BASP1: variants seen among roughly 807,000 people sequenced by gnomAD.
The protein encoded by BASP1 is brain abundant membrane attached signal protein 1, also known as brain acid soluble protein 1.
BASP1 carries 1 observed loss-of-function variant against 2.2 expected under a neutral mutation model. That is an observed-to-expected ratio of 0.46 (90% confidence interval 0.16 to 2.17). BASP1 has a LOEUF of 2.17. Ranked by LOEUF, BASP1 falls within the 30% of genes most tolerant of loss-of-function variation. The pLI, the probability that BASP1 is intolerant of heterozygous loss-of-function variation, is 0.27. For missense variants in BASP1, 352 were observed against 327.2 expected (o/e 1.08, Z -0.58); for synonymous variants, 187 against 154.2 (o/e 1.21, Z -1.58).
chr5:17,230,899 C>T (rs939038129), intron 1 of BASP1, among the ~76,000 whole-genome samples: 7 of 152,104 alleles, frequency 4.6e-5, no homozygotes, highest in Admixed American at 1.3e-4. Context: ...GACTTTTAGG[C>T]GTACCCTGTC....
rs185649022 is a variant in BASP1, at chr5:17,268,741, T to C, written c.-9-6467T>C. Among the ~76,000 whole-genome samples the C allele has an allele frequency of 1.5e-3, 231 of 152,228 alleles. 1 individual carries two copies. The highest frequency in any genetic ancestry group is 5.3e-3 in the African/African-American group (221 of 41,534). On this transcript the variant is annotated intron_variant, in intron 1 of 1. Coordinates refer to ENST00000322611, the MANE Select transcript of BASP1 (RefSeq NM_006317.5). ...AGAGGAGATTGTCTCTATTACAGAG[T>C]GTCTTCATTATAACATCAGATTTCA... is the stretch of plus-strand genomic sequence containing the variant.
chr5:17,246,510 G>A (rs1042577089), intron 1 of BASP1, among the ~76,000 whole-genome samples: 1 of 151,950 alleles, frequency 6.6e-6, no homozygotes, highest in Non-Finnish European at 1.5e-5. Flanking sequence ...AAAGACTTTT[G>A]GAAAGGTGGA....
chr5:17,225,730 C>T (rs1006695784), intron 1 of BASP1, among the ~76,000 whole-genome samples: 4 of 152,134 alleles, frequency 2.6e-5, no homozygotes, highest in African/African-American at 4.8e-5. Flanking sequence ...CCAGTGTGCA[C>T]GTTGTCGTGG....
chr5:17,217,097 T>TGAGA (rs1224670797), upstream of BASP1: 6 of 90,802 alleles, frequency 6.6e-5, no homozygotes, highest in South Asian at 3.7e-4. Flanking sequence ...AGAGAGAGAG[T>TGAGA]GAGTGAGAGA....
At chr5:17,267,054 A>T (rs1740429402) in intron 1 of BASP1, among the ~76,000 whole-genome samples, 2 of 152,210 alleles carry the variant, frequency 1.3e-5, no homozygotes, top group South Asian at 4.1e-4. Flanking sequence ...GTTTTCGAGA[A>T]TTGTGATTAG....
rs11447766 is a variant in BASP1 at position 17,276,739 on chromosome 5, C to CAAAAAAAAAAAACA, written c.*849_*850insAACAAAAAAAAAAA. 1 of 147,910 alleles carries CAAAAAAAAAAAACA rather than the reference C, an allele frequency of 6.8e-6. No individual in the cohort carries two copies. The highest frequency in any genetic ancestry group is 2.8e-5 in the African/African-American group (1 of 36,054). The allele number at this position is 147,910 out of a possible 1,614,324, so 9.2% of individuals were successfully genotyped here. ...CTCATTGGAAAATGGAAAAAAAAAA[C>CAAAAAAAAAAAACA]AAAAAAAAAACAAAAAAATGTACAA... On this transcript the variant is annotated 3_prime_UTR_variant, in exon 2 of 2. Transcript: ENST00000322611.
intron 1 of BASP1, among the ~76,000 whole-genome samples, chr5:17,222,441 C>T (rs1330420085): frequency 6.6e-6 from 1 of 152,200 alleles, no homozygotes; most frequent in African/African-American, 2.4e-5. Flanking sequence ...GCCTTTCCAG[C>T]CACAGCCTTT....
intron 1 of BASP1, among the ~76,000 whole-genome samples, chr5:17,271,853 G>C (rs1029146533): frequency 3.3e-5 from 5 of 151,982 alleles, no homozygotes; most frequent in African/African-American, 9.7e-5. Flanking sequence ...GATCACCTGA[G>C]GTCAGGAGTT....
chr5:17,227,301 C>A, intron 1 of BASP1, among the ~76,000 whole-genome samples: 1 of 152,000 alleles, frequency 6.6e-6, no homozygotes. Context: ...CTCACCACAA[C>A]CTCTGCCTCC....
chr5:17,222,759 A>T (rs1319056231), intron 1 of BASP1, among the ~76,000 whole-genome samples: 1 of 152,204 alleles, frequency 6.6e-6, no homozygotes, highest in Non-Finnish European at 1.5e-5. Flanking sequence ...TACTCAGTAC[A>T]TTTTTGAACA....
At chr5:17,230,767 C>T (rs566446570) in intron 1 of BASP1, among the ~76,000 whole-genome samples, 7 of 152,168 alleles carry the variant, frequency 4.6e-5, no homozygotes, top group Non-Finnish European at 1.0e-4. Flanking sequence ...GGGGTTTCGT[C>T]ATGTTGGCCA....
Position 17,260,982 on chromosome 5 carries a change from C to T in BASP1, c.-9-14226C>T, listed in dbSNP as rs145190634. On this transcript the variant is annotated intron_variant, in intron 1 of 1. Transcript: ENST00000322611. The surrounding 1 kb of genome is among the most constrained non-coding windows in gnomAD (Gnocchi z 4.2). ...ATTGCTTGAGCTCAGGAGTTAAAGA[C>T]TAGCCTGGGAAATATAGTGAGACTC... Among the ~76,000 whole-genome samples, 1 of 152,274 alleles carries T rather than the reference C, an allele frequency of 6.6e-6. No individual in the cohort carries two copies. The highest frequency in any genetic ancestry group is 2.4e-5 in the African/African-American group (1 of 41,554).
chr5:17,229,940 G>A (rs561253752), intron 1 of BASP1, among the ~76,000 whole-genome samples: 3 of 151,700 alleles, frequency 2.0e-5, no homozygotes, highest in Admixed American at 6.6e-5. Context: ...GTGCCACCAC[G>A]CCCAGCTAAT....
At chr5:17,219,790 A>T (rs1739361589) in intron 1 of BASP1, among the ~76,000 whole-genome samples, 1 of 152,178 alleles carries the variant, frequency 6.6e-6, no homozygotes, top group African/African-American at 2.4e-5. Flanking sequence ...TGGACTCCGA[A>T]CTCATTGTTT....
chr5:17,227,802 G>A (rs1739547105), intron 1 of BASP1, among the ~76,000 whole-genome samples: 1 of 152,208 alleles, frequency 6.6e-6, no homozygotes, highest in African/African-American at 2.4e-5. Context: ...CAGGTAAACA[G>A]GGTGAATGCC....
intron 1 of BASP1, among the ~76,000 whole-genome samples, chr5:17,223,023 TC>T (rs1462510498): frequency 7.6e-6 from 1 of 131,290 alleles, no homozygotes; most frequent in African/African-American, 2.6e-5. Flanking sequence ...TTTTATAAAC[TC>T]TTTTTTTTTT....
intron 1 of BASP1, among the ~76,000 whole-genome samples, chr5:17,265,374 A>T (rs1740398414): frequency 6.6e-6 from 1 of 152,260 alleles, no homozygotes; most frequent in Non-Finnish European, 1.5e-5. Context: ...TGAAGGTTCA[A>T]CAGTCCACAA....
At chr5:17,250,842 G>C (rs1740089377) in intron 1 of BASP1, among the ~76,000 whole-genome samples, 2 of 152,148 alleles carry the variant, frequency 1.3e-5, no homozygotes, top group Non-Finnish European at 1.5e-5. Flanking sequence ...CTGACCTCGT[G>C]ATCCGCCCGC....
At chr5:17,225,934 G>T (rs1344845400) in intron 1 of BASP1, among the ~76,000 whole-genome samples, 8 of 152,212 alleles carry the variant, frequency 5.3e-5, no homozygotes, top group African/African-American at 1.9e-4. Flanking sequence ...AAGTGCTTAA[G>T]ATGCTAAAAC....
Sources: gnomAD v4.1 joint callset for allele counts (sites outside exome capture counted in the v4.1 genomes callset) on GRCh38, gnomAD v4.1.1 for gene constraint, Gnocchi (gnomAD v3.1) non-coding constraint, MANE v1.5 for transcripts, NCBI Gene and HGNC (gene_info 2026-07-23, HGNC 2026-07-21) for gene names.